The following SLC35D2 variants were observed in gnomAD, a reference collection of about 807,000 sequenced individuals.
SLC35D2 encodes nucleotide sugar transporter SLC35D2.
Under a neutral mutation model 41.8 loss-of-function variants are expected in SLC35D2, and 43 were observed. The observed-to-expected ratio is 1.03, with a 90% CI of 0.81 to 1.33. The LOEUF is 1.33. SLC35D2 is among the 40% of genes most tolerant of loss of function. The pLI, the probability that SLC35D2 is intolerant of heterozygous loss-of-function variation, is 0.00. For missense variants in SLC35D2, 380 were observed against 408.4 expected, an observed-to-expected ratio of 0.93 and a Z score of 0.60; for synonymous variants, 150 against 163.9, an observed-to-expected ratio of 0.92 and a Z score of 0.65.
At chr9:96,314,666 G>A (rs572210089) in exon 12 of SLC35D2, 1 of 152,412 alleles carries the variant, frequency 6.6e-6, no homozygotes, top group East Asian at 1.9e-4. Flanking sequence ...AGGTTGATAG[G>A]TGCAGCAAAC....
intron 1 of SLC35D2, among the ~76,000 whole-genome samples, chr9:96,381,366 C>T (rs1000432149): frequency 1.3e-5 from 2 of 152,184 alleles, no homozygotes; most frequent in Non-Finnish European, 2.9e-5. Flanking sequence ...TCCCAAGGCC[C>T]CACACAGGCC....
chr9:96,374,714 T>C (rs1830865084), intron 1 of SLC35D2, among the ~76,000 whole-genome samples: 1 of 150,736 alleles, frequency 6.6e-6, no homozygotes, highest in Admixed American at 6.6e-5. Context: ...GGCAGGCGCC[T>C]GTAGTCCCAG....
At chr9:96,335,383 T>C (rs1829001582) in intron 9 of SLC35D2, among the ~76,000 whole-genome samples, 1 of 152,134 alleles carries the variant, frequency 6.6e-6, no homozygotes, top group South Asian at 2.1e-4. Flanking sequence ...TTGTTTGAGA[T>C]GGAGTCTCCT....
At chr9:96,324,526 G>C (rs1828416759) in intron 9 of SLC35D2, among the ~76,000 whole-genome samples, 1 of 141,440 alleles carries the variant, frequency 7.1e-6, no homozygotes, top group African/African-American at 2.5e-5. Flanking sequence ...TTAATCCTCT[G>C]TGCCTCAGAA....
At position 96,321,992 on chromosome 9, in the gene SLC35D2, A is replaced by C. The variant is rs1302260735; in HGVS notation, c.914+6T>G. 1 of 1,540,380 alleles carries C rather than the reference A, an allele frequency of 6.5e-7. No individual in the cohort carries two copies. Among genetic ancestry groups the C allele is most frequent in the Non-Finnish European group, 9.0e-7 (1 of 1,116,712 alleles). On this transcript the variant is annotated splice_donor_region_variant and intron_variant, in intron 11 of 11. Coordinates refer to ENST00000253270, the MANE Select transcript of SLC35D2 (RefSeq NM_007001.3). Reference sequence around the variant, plus strand: ...CAAAGCGAGTCCATTAAAAATTCCCACTCACCAAATATTTAACCCTACAAA... The same window carrying C: ...CAAAGCGAGTCCATTAAAAATTCCCCCTCACCAAATATTTAACCCTACAAA...
intron 10 of SLC35D2, among the ~76,000 whole-genome samples, chr9:96,322,717 GTT>G (rs57493593): frequency 9.0e-6 from 1 of 111,398 alleles, no homozygotes; most frequent in Non-Finnish European, 1.7e-5. Flanking sequence ...GTTTTCTGGG[GTT>G]TTTTTTTTTT....
chr9:96,335,207 A>C (rs975194587), intron 9 of SLC35D2, among the ~76,000 whole-genome samples: 2 of 152,232 alleles, frequency 1.3e-5, no homozygotes, highest in African/African-American at 4.8e-5. Flanking sequence ...GGGCCCCTTC[A>C]GTATGGGAGA....
At chr9:96,327,119 T>A (rs7030583) in intron 9 of SLC35D2, among the ~76,000 whole-genome samples, 46 of 152,166 alleles carry the variant, frequency 3.0e-4, no homozygotes, top group Non-Finnish European at 5.0e-4. Flanking sequence ...AGGCCGCCTA[T>A]GCACCAGCAC....
Position 96,351,093 on chromosome 9 carries a change from A to G in SLC35D2, c.488+10T>C, listed in dbSNP as rs897760249. ...AGAAGTTATTGAGCAGAAACAGTCC[A>G]AAGTCTTACCCAGCTGCTATGAAAG... On this transcript the variant is annotated intron_variant, in intron 6 of 11. Coordinates refer to ENST00000253270, the MANE Select transcript of SLC35D2 (RefSeq NM_007001.3). 2 of 1,603,624 alleles carry G rather than the reference A, an allele frequency of 1.2e-6. No individual in the cohort carries two copies. The highest frequency in any genetic ancestry group is 1.7e-6 in the Non-Finnish European group (2 of 1,170,466).
chr9:96,373,146 C>T (rs1686282643), intron 1 of SLC35D2, among the ~76,000 whole-genome samples: 2 of 152,088 alleles, frequency 1.3e-5, no homozygotes, highest in Non-Finnish European at 2.9e-5. Flanking sequence ...GTGATCCACC[C>T]GCCTTGGCCT....
chr9:96,349,080 AGATT>A (rs1409488938), intron 6 of SLC35D2, among the ~76,000 whole-genome samples: 7 of 152,158 alleles, frequency 4.6e-5, no homozygotes, highest in Non-Finnish European at 7.3e-5. Context: ...CCTGGCATAC[AGATT>A]ATTTTACATG....
At chr9:96,375,406 C>T (rs1261431528) in intron 1 of SLC35D2, among the ~76,000 whole-genome samples, 24 of 150,682 alleles carry the variant, frequency 1.6e-4, no homozygotes, top group Admixed American at 1.4e-3. Flanking sequence ...GATGAAACCC[C>T]GTCTCTACTA....
chr9:96,315,434 C>CTTTTT (rs35644020), intron 11 of SLC35D2, among the ~76,000 whole-genome samples: 1 of 132,018 alleles, frequency 7.6e-6, no homozygotes, highest in African/African-American at 2.9e-5. Flanking sequence ...CCTTCACAGA[C>CTTTTT]TTTTTTTTTT....
downstream of SLC35D2, among the ~76,000 whole-genome samples, chr9:96,317,151 AG>A (rs1828073250): frequency 6.6e-6 from 1 of 151,204 alleles, no homozygotes. Flanking sequence ...AAAAAAAAAA[AG>A]TATTAAAACA....
At chr9:96,381,172 G>A (rs1224733349) in intron 1 of SLC35D2, among the ~76,000 whole-genome samples, 1 of 152,200 alleles carries the variant, frequency 6.6e-6, no homozygotes, top group South Asian at 2.1e-4. Flanking sequence ...CCTTCCAAGG[G>A]ACTTCTAATT....
chr9:96,343,365 G>A (rs780139904), intron 8 of SLC35D2, among the ~76,000 whole-genome samples: 5 of 152,190 alleles, frequency 3.3e-5, no homozygotes, highest in Non-Finnish European at 7.3e-5. Flanking sequence ...GTAAAATGGC[G>A]TGATGGCTGG....
Position 96,358,780 on chromosome 9 carries a change from G to A in SLC35D2, c.347+1374C>T, listed in dbSNP as rs1221517762. ...AAGACAGGCAGATTACTTGAGGTCAGGAGTTCAAGACTAGCCTGGCCAACA... is the reference window on the plus strand; with the variant it reads ...AAGACAGGCAGATTACTTGAGGTCAAGAGTTCAAGACTAGCCTGGCCAACA... On this transcript the variant is annotated intron_variant, in intron 4 of 11. Transcript: ENST00000253270. 2.0e-5 allele frequency among the ~76,000 whole-genome samples: 3 copies of A among 152,102 alleles called. No individual in the cohort carries two copies. The East Asian group carries it at 5.8e-4, about 30-fold the overall frequency.
downstream of SLC35D2, among the ~76,000 whole-genome samples, chr9:96,317,947 G>GA (rs11402352): frequency 0.53 from 79,396 of 149,096 alleles, 21,536 homozygotes; most frequent in African/African-American, 0.6. Context: ...TGAGACACAA[G>GA]ATCACTTGAA....
chr9:96,376,217 C>T (rs888777656), intron 1 of SLC35D2, among the ~76,000 whole-genome samples: 3 of 150,166 alleles, frequency 2.0e-5, no homozygotes, highest in African/African-American at 7.4e-5. Flanking sequence ...ATTGCTTGAA[C>T]CCGGGAGGTG....
Sources: allele counts gnomAD v4.1 joint callset (sites outside exome capture counted in the v4.1 genomes callset), GRCh38; gene constraint gnomAD v4.1.1; transcripts MANE v1.5; gene names NCBI Gene and HGNC (gene_info 2026-07-23, HGNC 2026-07-21).